The following HDAC4 variants were observed in gnomAD, a reference collection of about 807,000 sequenced individuals.
The protein encoded by HDAC4 is histone deacetylase 4.
A neutral mutation model predicts 135.1 loss-of-function variants in HDAC4; 16 were observed. The observed-to-expected ratio is 0.12, with a 90% CI of 0.08 to 0.18. The LOEUF is 0.18. Ranked by LOEUF, HDAC4 falls within the 10% of genes least tolerant of loss-of-function variation. The pLI, the probability that HDAC4 is intolerant of heterozygous loss-of-function variation, is 1.00. For missense variants in HDAC4, 1,143 were observed against 1,511.8 expected, an observed-to-expected ratio of 0.76 and a Z score of 4.05; for synonymous variants, 685 against 653.4, an observed-to-expected ratio of 1.05 and a Z score of -0.74.
intron 2 of HDAC4, among the ~76,000 whole-genome samples, chr2:239,273,309 G>A (rs2050155891): frequency 6.6e-6 from 1 of 152,140 alleles, no homozygotes; most frequent in African/African-American, 2.4e-5. Flanking sequence ...TAAAAGGCAT[G>A]GAGCACACTT....
At position 239,126,525 on chromosome 2, in the gene HDAC4, C is replaced by T. The variant is rs1335733611; in HGVS notation, c.1464G>A (p.Gln488=). The T allele has an allele frequency of 1.2e-6, 2 of 1,613,588 alleles. No homozygotes were observed. The highest frequency in any genetic ancestry group is 3.3e-5 in the Admixed American group (2 of 59,916). ...TCTCCAGAAACTGCTGATGCTGCTG[C>T]TGGATGACCAGGTGCTGCAGAGCCT... ...NAQALQHLVI[Q]QQHQQFLEKH... Residue 488 remains glutamine (Q), a synonymous_variant, in exon 12 of 27, where the codon CAG becomes CAA. Coordinates refer to ENST00000543185, the MANE Select transcript of HDAC4 (RefSeq NM_001378414.1).
At chr2:239,102,128 G>A (rs1181508855) in intron 16 of HDAC4, among the ~76,000 whole-genome samples, 2 of 150,764 alleles carry the variant, frequency 1.3e-5, no homozygotes, top group East Asian at 3.9e-4. Flanking sequence ...GGAAGCCCCC[G>A]GCCCGGGGTC....
intron 3 of HDAC4, among the ~76,000 whole-genome samples, chr2:239,198,031 T>TC (rs2045518399): frequency 1.3e-5 from 2 of 151,940 alleles, no homozygotes; most frequent in South Asian, 4.1e-4. Flanking sequence ...TTCTCTCCCT[T>TC]CCTCCCTTCC....
intron 4 of HDAC4, among the ~76,000 whole-genome samples, chr2:239,184,502 G>T (rs558458178): frequency 2.1e-5 from 3 of 145,670 alleles, no homozygotes; most frequent in East Asian, 2.1e-4. Context: ...TGCCCTATGG[G>T]GGGGGGTCCC....
At chr2:239,296,890 C>T (rs544366827) in intron 2 of HDAC4, among the ~76,000 whole-genome samples, 2 of 152,192 alleles carry the variant, frequency 1.3e-5, no homozygotes, top group East Asian at 3.9e-4. Context: ...GTCCTGGAGC[C>T]ATTTGCCCTA....
At position 239,112,918 on chromosome 2, in the gene HDAC4, C is replaced by T. The variant is rs376808721; in HGVS notation, c.1792-1206G>A. 5.3e-5 allele frequency among the ~76,000 whole-genome samples: 8 copies of T among 152,324 alleles called. No individual in the cohort carries two copies. In the South Asian group the frequency reaches 6.2e-4, roughly 12 times the overall value. On this transcript the variant is annotated intron_variant, in intron 13 of 26. Coordinates refer to ENST00000543185, the MANE Select transcript of HDAC4 (RefSeq NM_001378414.1). ...AAACCAGAGCTACCCGGCCAGGCTC[C>T]GATCTGTCCTGCCTTTAGGAATCAG...
chr2:239,352,447 AC>A lies in HDAC4; in HGVS notation c.22+230del, dbSNP rs2125922502. Among the ~76,000 whole-genome samples the A allele has an allele frequency of 6.6e-6, 1 of 152,272 alleles. No homozygotes were observed. Among genetic ancestry groups the A allele is most frequent in the Non-Finnish European group, 1.5e-5 (1 of 68,024 alleles). ...GTGTGCCTCTCAAGTCAGCCTGCAA[AC>A]CGGGGTCGCAGACTTGACTCCACAT... On this transcript the variant is annotated intron_variant, in intron 2 of 26. Coordinates refer to ENST00000543185, the MANE Select transcript of HDAC4 (RefSeq NM_001378414.1). The surrounding 1 kb of genome is among the most constrained non-coding windows in gnomAD (Gnocchi z 4.4).
intron 16 of HDAC4, among the ~76,000 whole-genome samples, chr2:239,101,359 T>C (rs924838203): frequency 1.3e-5 from 2 of 151,806 alleles, no homozygotes; most frequent in Non-Finnish European, 2.9e-5. Context: ...CCTCGGCGAG[T>C]GGATGAAGGC....
intron 19 of HDAC4, 112 bp downstream of exon 19, chr2:239,087,447 G>T: frequency 9.5e-7 from 1 of 1,053,176 alleles, no homozygotes; most frequent in Non-Finnish European, 1.4e-6. Context: ...ATCCTGGGTG[G>T]CCAGCAAACA....
chr2:239,172,036 G>A (rs1484448768), intron 5 of HDAC4, among the ~76,000 whole-genome samples: 1 of 152,058 alleles, frequency 6.6e-6, no homozygotes, highest in Non-Finnish European at 1.5e-5. Flanking sequence ...AAGTGGAAAG[G>A]ATAAATTTAT....
intron 9 of HDAC4, among the ~76,000 whole-genome samples, chr2:239,138,944 G>A (rs2041159797): frequency 6.6e-6 from 1 of 152,168 alleles, no homozygotes; most frequent in East Asian, 1.9e-4. Flanking sequence ...TCCCTGCCTT[G>A]CCACTCAGCT....
chr2:239,195,250 A>AAGAGC (rs2045298411), intron 3 of HDAC4, among the ~76,000 whole-genome samples: 1 of 152,218 alleles, frequency 6.6e-6, no homozygotes, highest in East Asian at 1.9e-4. Context: ...AAAGTAAGCT[A>AAGAGC]AGAGCAGAGC....
Position 239,049,543 on chromosome 2 carries a change from A to C in HDAC4, c.*3554T>G, listed in dbSNP as rs567627295. ...GGGCCCAAAGTCTACAAAAAGAAGA[A>C]TGGAATGAGCACGTGGCTGTGACCA... On this transcript the variant is annotated 3_prime_UTR_variant, in exon 27 of 27. Transcript: ENST00000543185. The C allele has an allele frequency of 1.2e-4, 19 of 152,492 alleles. No homozygotes were observed. The highest frequency in any genetic ancestry group is 2.1e-4 in the Non-Finnish European group (14 of 68,030). The allele number at this position is 152,492 out of a possible 1,614,324, so 9.4% of individuals were successfully genotyped here.
intron 22 of HDAC4, among the ~76,000 whole-genome samples, chr2:239,070,477 A>G (rs1473446690): frequency 1.3e-5 from 2 of 152,246 alleles, no homozygotes; most frequent in Admixed American, 6.5e-5. Flanking sequence ...TGCGTATGCT[A>G]TGAATCCATA....
chr2:239,093,631 C>T (rs767533747), intron 17 of HDAC4, among the ~76,000 whole-genome samples: 9 of 152,200 alleles, frequency 5.9e-5, no homozygotes, highest in East Asian at 1.9e-4. Flanking sequence ...CCTCTCTGCC[C>T]GCGTCCACGT....
rs1424042149 is a variant in HDAC4 at position 239,090,250 on chromosome 2, G to A, written c.2281-134C>T. ...AGGGCCTACCAGAGCCAGGGCAGCT[G>A]CAGCCCACGTTCAGCCTTCAATCTT... On this transcript the variant is annotated intron_variant, in intron 17 of 26. Coordinates refer to ENST00000543185, the MANE Select transcript of HDAC4 (RefSeq NM_001378414.1). 5.6e-6 allele frequency: 4 copies of A among 708,340 alleles called. No individual in the cohort carries two copies. The East Asian group carries it at 8.1e-5, about 14-fold the overall frequency. The allele number at this position is 708,340 out of a possible 1,614,324, so 43.9% of individuals were successfully genotyped here.
chr2:239,225,326 T>C (rs2047176924), intron 3 of HDAC4, among the ~76,000 whole-genome samples: 1 of 152,204 alleles, frequency 6.6e-6, no homozygotes, highest in African/African-American at 2.4e-5. Flanking sequence ...GGCTAAAAAT[T>C]AACAAGTGAA....
Position 239,089,997 on chromosome 2 carries a change from G to C in HDAC4, c.2388+12C>G. The stretch of plus-strand genomic sequence containing the variant: ...CTCCTGGAGGGCCACCACTGTCCAG[G>C]CCCCGACTGACCTTCAGCTCCCCTG... On this transcript the variant is annotated intron_variant, in intron 18 of 26. Coordinates refer to ENST00000543185, the MANE Select transcript of HDAC4 (RefSeq NM_001378414.1). 6.3e-7 allele frequency: 1 copy of C among 1,596,560 alleles called. No homozygotes were observed. Among genetic ancestry groups the C allele is most frequent in the Non-Finnish European group, 8.6e-7 (1 of 1,164,332 alleles).
intron 1 of HDAC4, among the ~76,000 whole-genome samples, chr2:239,357,311 A>C (rs1693553976): frequency 6.6e-6 from 1 of 152,238 alleles, no homozygotes; most frequent in Non-Finnish European, 1.5e-5. Flanking sequence ...TTTGAAACGA[A>C]TGAAAATACA....
Sources: allele counts gnomAD v4.1 joint callset (sites outside exome capture counted in the v4.1 genomes callset), GRCh38; gene constraint gnomAD v4.1.1; non-coding constraint Gnocchi (gnomAD v3.1); transcripts MANE v1.5; gene names NCBI Gene and HGNC (gene_info 2026-07-23, HGNC 2026-07-21).